Variants in NRXN3 observed in about 807,000 individuals in gnomAD.
NRXN3 encodes the protein neurexin III.
A neutral mutation model predicts 137.6 loss-of-function variants in NRXN3; 32 were observed. That is an observed-to-expected ratio of 0.23 (90% CI 0.18 to 0.31). The LOEUF (loss-of-function observed/expected upper bound fraction) is 0.31. NRXN3 is among the 10% of genes least tolerant of loss of function. The probability of loss-of-function intolerance (pLI) is 1.00; values close to 1 mark genes in which losing one functional copy is unlikely to be tolerated. For synonymous variants in NRXN3, 798 were observed against 784.5 expected (o/e 1.02, Z -0.29); for missense variants, 1,574 against 2,062.5 (o/e 0.76, Z 4.59).
chr14:78,970,416 G>A (rs1307927768), intron 14 of NRXN3, among the ~76,000 whole-genome samples: 1 of 151,834 alleles, frequency 6.6e-6, no homozygotes, highest in Non-Finnish European at 1.5e-5. Flanking sequence ...TTCACATTAA[G>A]CCTCTAAACT....
intron 15 of NRXN3, among the ~76,000 whole-genome samples, chr14:79,316,965 T>C (rs1024027839): frequency 6.6e-6 from 1 of 152,016 alleles, no homozygotes; most frequent in African/African-American, 2.4e-5. Flanking sequence ...ACACGGTGGC[T>C]CACACCTGTA....
chr14:79,685,148 C>G (rs1328204435), intron 17 of NRXN3, among the ~76,000 whole-genome samples: 1 of 152,096 alleles, frequency 6.6e-6, no homozygotes, highest in African/African-American at 2.4e-5. Flanking sequence ...TAGTTTAACT[C>G]TTCTGAATCA....
rs114801780 is a variant in NRXN3, at chr14:79,692,083, T to G, written c.3617-90T>G. 8.2e-4 allele frequency: 774 copies of G among 941,740 alleles called. 8 individuals carry two copies. In the African/African-American group the frequency reaches 0.012, roughly 15 times the overall value. The allele number at this position is 941,740 out of a possible 1,614,324, so 58.3% of individuals were successfully genotyped here. A position where few individuals can be genotyped will look rare whatever the true frequency, so the allele number is the denominator to read the frequency against. On this transcript the variant is annotated intron_variant, in intron 17 of 20. Transcript: ENST00000335750. ...TAAATTGATATCTATCTCTAAAAACTTCATAAAACAAACCAAAAAACCTAG... is the reference window on the plus strand; with the variant it reads ...TAAATTGATATCTATCTCTAAAAACGTCATAAAACAAACCAAAAAACCTAG...
chr14:79,143,490 C>T (rs2059007271), intron 15 of NRXN3, among the ~76,000 whole-genome samples: 1 of 152,222 alleles, frequency 6.6e-6, no homozygotes, highest in South Asian at 2.1e-4. Context: ...CAGATTTCAT[C>T]CACCAGGCTA....
intron 19 of NRXN3, among the ~76,000 whole-genome samples, chr14:79,781,736 A>G (rs1186194456): frequency 6.6e-6 from 1 of 152,168 alleles, no homozygotes; most frequent in Non-Finnish European, 1.5e-5. Flanking sequence ...TATAAATCTA[A>G]TTCCCACCAA....
intron 4 of NRXN3, among the ~76,000 whole-genome samples, chr14:78,545,229 G>A (rs1315471362): frequency 1.3e-5 from 2 of 152,180 alleles, no homozygotes; most frequent in Non-Finnish European, 2.9e-5. Context: ...AGGTCAAAAG[G>A]AAACATAGGA....
At chr14:79,859,648 G>C (rs1243405413) in intron 20 of NRXN3, among the ~76,000 whole-genome samples, 1 of 152,118 alleles carries the variant, frequency 6.6e-6, no homozygotes, top group Non-Finnish European at 1.5e-5. Context: ...GGGTACCTCA[G>C]CTACAGTCTT....
intron 20 of NRXN3, among the ~76,000 whole-genome samples, chr14:79,823,452 T>C (rs1481760911): frequency 6.6e-6 from 1 of 152,186 alleles, no homozygotes; most frequent in African/African-American, 2.4e-5. Context: ...GGCGCATGCC[T>C]ATAGTTCCAG....
chr14:78,264,514 C>CT (rs2071363121), intron 2 of NRXN3, among the ~76,000 whole-genome samples: 1 of 152,008 alleles, frequency 6.6e-6, no homozygotes, highest in Non-Finnish European at 1.5e-5. Context: ...GGGCCCTGTT[C>CT]TTCTATCCTT....
intron 8 of NRXN3, among the ~76,000 whole-genome samples, chr14:78,772,033 G>A (rs2098729935): frequency 6.6e-6 from 1 of 152,040 alleles, no homozygotes; most frequent in Non-Finnish European, 1.5e-5. Context: ...ATAGCTGGAA[G>A]GTAATTTTAT....
intron 4 of NRXN3, among the ~76,000 whole-genome samples, chr14:78,360,145 C>T (rs2153604540): frequency 6.6e-6 from 1 of 152,262 alleles, no homozygotes. Flanking sequence ...CTAATTCCCT[C>T]CTGATTGTGA....
intron 19 of NRXN3, among the ~76,000 whole-genome samples, chr14:79,743,350 A>G (rs1473329303): frequency 1.2e-4 from 18 of 152,148 alleles, no homozygotes; most frequent in Admixed American, 1.1e-3. Context: ...GTTCCCAAGG[A>G]GGTGGAGTTG....
Position 78,253,854 on chromosome 14 carries a change from T to C in NRXN3, c.709+10052T>C, listed in dbSNP as rs578224374. ...ATCTGCAATAATGGGAGCTTGGTGC[T>C]TTTCAAGGCAGCCTAATGTATCTCT... On this transcript the variant is annotated intron_variant, in intron 2 of 20. Transcript: ENST00000335750. Among the ~76,000 whole-genome samples, 3 of 126,270 alleles carry C rather than the reference T, an allele frequency of 2.4e-5. No homozygotes were observed. The South Asian group carries it at 8.4e-4, about 35-fold the overall frequency. The allele number at this position is 126,270 out of a possible 152,430, so 82.8% of individuals were successfully genotyped here. A position where few individuals can be genotyped will look rare whatever the true frequency, so the allele number is the denominator to read the frequency against.
intron 4 of NRXN3, among the ~76,000 whole-genome samples, chr14:78,503,985 A>T (rs1043136520): frequency 6.6e-6 from 1 of 152,212 alleles, no homozygotes; most frequent in African/African-American, 2.4e-5. Flanking sequence ...CTCTAGTCAC[A>T]TAAGTATGGC....
intron 10 of NRXN3, among the ~76,000 whole-genome samples, chr14:78,920,364 G>T (rs8010653): frequency 0.055 from 8,303 of 152,082 alleles, 415 homozygotes; most frequent in African/African-American, 0.12. Context: ...AAAACACCCC[G>T]GAAAATACTG....
At chr14:79,365,949 A>T (rs2093877376) in intron 15 of NRXN3, among the ~76,000 whole-genome samples, 3 of 152,080 alleles carry the variant, frequency 2.0e-5, no homozygotes, top group African/African-American at 7.2e-5. Flanking sequence ...GATAGTTAAC[A>T]AGTATTTATT....
chr14:79,040,261 C>T (rs1162294567), intron 15 of NRXN3, among the ~76,000 whole-genome samples: 1 of 152,176 alleles, frequency 6.6e-6, no homozygotes, highest in Non-Finnish European at 1.5e-5. Context: ...CTGCATATAG[C>T]AGGCCCAATA....
At chr14:78,177,282 G>A (rs981772520) in intron 1 of NRXN3, among the ~76,000 whole-genome samples, 1 of 152,162 alleles carries the variant, frequency 6.6e-6, no homozygotes, top group Non-Finnish European at 1.5e-5. Context: ...TACAATATGG[G>A]TGAAGGCCTT....
intron 6 of NRXN3, chr14:78,703,711 G>A (rs2098314572): frequency 6.6e-6 from 1 of 152,306 alleles, no homozygotes; most frequent in South Asian, 2.1e-4. Context: ...TCCAACTTCA[G>A]AAAATGTCCA....
Sources: allele counts gnomAD v4.1 joint callset (sites outside exome capture counted in the v4.1 genomes callset), GRCh38; gene constraint gnomAD v4.1.1; transcripts MANE v1.5; gene names NCBI Gene and HGNC (gene_info 2026-07-23, HGNC 2026-07-21).